Variants in SCAPER observed in about 807,000 individuals in gnomAD.
The protein encoded by SCAPER is S-phase cyclin A associated protein in the ER.
Under a neutral mutation model 182.2 loss-of-function variants are expected in SCAPER, and 98 were observed. That is an observed-to-expected ratio of 0.54 (90% CI 0.46 to 0.64). The LOEUF (loss-of-function observed/expected upper bound fraction) is 0.64. Ranked by LOEUF, SCAPER falls within the 30% of genes least tolerant of loss-of-function variation. The pLI, the probability that SCAPER is intolerant of heterozygous loss-of-function variation, is 0.00. For synonymous variants in SCAPER, 605 were observed against 564.6 expected, an observed-to-expected ratio of 1.07 and a Z score of -1.01; for missense variants, 1,432 against 1,690.0, an observed-to-expected ratio of 0.85 and a Z score of 2.68.
At chr15:76,801,651 G>A (rs954190240) in intron 6 of SCAPER, among the ~76,000 whole-genome samples, 2 of 151,062 alleles carry the variant, frequency 1.3e-5, no homozygotes, top group African/African-American at 4.9e-5. Flanking sequence ...CAGGCATGGT[G>A]GCCCATTCCT....
intron 1 of SCAPER, among the ~76,000 whole-genome samples, chr15:76,892,877 T>C (rs935824540): frequency 6.6e-6 from 1 of 152,148 alleles, no homozygotes; most frequent in African/African-American, 2.4e-5. Flanking sequence ...CACACGTATG[T>C]TTACTGCAGC....
At chr15:76,590,204 A>C (rs2145655195) in intron 22 of SCAPER, among the ~76,000 whole-genome samples, 1 of 152,234 alleles carries the variant, frequency 6.6e-6, no homozygotes, top group East Asian at 1.9e-4. Context: ...CCCGCCTCCT[A>C]TCTGCCATTT....
chr15:76,665,951 G>A (rs1399139689), intron 20 of SCAPER, among the ~76,000 whole-genome samples, 162 bp from the exon 21 acceptor site: 1 of 152,120 alleles, frequency 6.6e-6, no homozygotes, highest in East Asian at 1.9e-4. Context: ...TGAAGAAACT[G>A]TTTTACTTAA....
intron 29 of SCAPER, among the ~76,000 whole-genome samples, chr15:76,373,146 C>T (rs981004841): frequency 4.0e-5 from 6 of 151,790 alleles, no homozygotes; most frequent in African/African-American, 1.5e-4. Flanking sequence ...CTCCCACGTT[C>T]AAGCAATTCT....
At chr15:76,507,555 T>C (rs2041693247) in intron 23 of SCAPER, among the ~76,000 whole-genome samples, 2 of 152,170 alleles carry the variant, frequency 1.3e-5, no homozygotes, top group African/African-American at 4.8e-5. Context: ...TATTAGTATA[T>C]ATAAGCTCTG....
At chr15:76,406,289 C>A (rs1186572143) in intron 26 of SCAPER, among the ~76,000 whole-genome samples, 1 of 151,658 alleles carries the variant, frequency 6.6e-6, no homozygotes, top group Non-Finnish European at 1.5e-5. Flanking sequence ...ACCAGCCTGG[C>A]CAATATGGTG....
chr15:76,567,770 C>T (rs535134814), intron 23 of SCAPER, among the ~76,000 whole-genome samples: 1 of 152,186 alleles, frequency 6.6e-6, no homozygotes, highest in East Asian at 1.9e-4. Context: ...CTGGATGCCA[C>T]TCTTTTGTTG....
chr15:76,880,571 A>C (rs2073468020), intron 2 of SCAPER, among the ~76,000 whole-genome samples: 1 of 152,226 alleles, frequency 6.6e-6, no homozygotes, highest in African/African-American at 2.4e-5. Flanking sequence ...GTTTTTGGAC[A>C]TATTCCTTAG....
At chr15:76,453,802 T>C (rs985265802) in intron 25 of SCAPER, among the ~76,000 whole-genome samples, 3 of 152,224 alleles carry the variant, frequency 2.0e-5, no homozygotes, top group Non-Finnish European at 4.4e-5. Flanking sequence ...GGCATAAGTA[T>C]TTAATAAACA....
At chr15:76,880,393 T>C (rs2073456828) in intron 2 of SCAPER, among the ~76,000 whole-genome samples, 1 of 152,212 alleles carries the variant, frequency 6.6e-6, no homozygotes, top group Non-Finnish European at 1.5e-5. Context: ...TTTTCTCCTC[T>C]TCCCTAACAA....
At chr15:76,497,132 C>T (rs541785481) in intron 24 of SCAPER, among the ~76,000 whole-genome samples, 22 of 5,246 alleles carry the variant, frequency 4.2e-3, no homozygotes, top group Non-Finnish European at 0.016. Flanking sequence ...TTTCCCAAAA[C>T]GGCCTTCCTT....
At chr15:76,561,797 C>T (rs1291607801) in intron 23 of SCAPER, among the ~76,000 whole-genome samples, 8 of 150,040 alleles carry the variant, frequency 5.3e-5, no homozygotes, top group Admixed American at 1.3e-4. Context: ...GAAACCTTTG[C>T]TTCCCTGCAA....
chr15:76,795,054 A>G (rs1023491157), intron 8 of SCAPER, among the ~76,000 whole-genome samples: 3 of 152,232 alleles, frequency 2.0e-5, no homozygotes, highest in Admixed American at 6.5e-5. Context: ...CATTCTCTTT[A>G]AAGTTTACAC....
intron 8 of SCAPER, among the ~76,000 whole-genome samples, chr15:76,782,805 C>G (rs868395965): frequency 6.6e-6 from 1 of 152,004 alleles, no homozygotes; most frequent in Non-Finnish European, 1.5e-5. Context: ...GAAATAAAGG[C>G]AGAAATAAAG....
At chr15:76,869,499 A>G (rs1242827223) in intron 2 of SCAPER, among the ~76,000 whole-genome samples, 3 of 152,188 alleles carry the variant, frequency 2.0e-5, no homozygotes, top group South Asian at 2.1e-4. Context: ...GCCAACAGAT[A>G]TATGAAAAAA....
chr15:76,426,940 GT>G (rs1338669022), intron 26 of SCAPER, among the ~76,000 whole-genome samples: 1 of 152,140 alleles, frequency 6.6e-6, no homozygotes, highest in Non-Finnish European at 1.5e-5. Context: ...CTTATTTTTG[GT>G]AAAGCTGCCA....
At chr15:76,549,749 C>CAAAA (rs61165013) in intron 23 of SCAPER, among the ~76,000 whole-genome samples, 1 of 151,620 alleles carries the variant, frequency 6.6e-6, no homozygotes, top group Non-Finnish European at 1.5e-5. Context: ...AGTGTAAAAA[C>CAAAA]AAAAAAAAGG....
chr15:76,853,002 ACT>A (rs1211117370), intron 4 of SCAPER, among the ~76,000 whole-genome samples: 9 of 152,272 alleles, frequency 5.9e-5, no homozygotes, highest in Non-Finnish European at 1.0e-4. Flanking sequence ...TCATGTTACC[ACT>A]GACCCCACAG....
At chr15:76,841,488 A>G (rs144670572) in intron 5 of SCAPER, among the ~76,000 whole-genome samples, 72 of 152,224 alleles carry the variant, frequency 4.7e-4, no homozygotes, top group African/African-American at 1.6e-3. Context: ...CTCTACTAAA[A>G]ATACAAAAAT....
Sources: gnomAD v4.1 joint callset for allele counts (sites outside exome capture counted in the v4.1 genomes callset) on GRCh38, gnomAD v4.1.1 for gene constraint, MANE v1.5 for transcripts, NCBI Gene and HGNC (gene_info 2026-07-23, HGNC 2026-07-21) for gene names.